AK5: variants seen among roughly 807,000 people sequenced by gnomAD.
The protein encoded by AK5 is adenylate kinase 5, also known as adenylate kinase isoenzyme 5.
In AK5, 27 loss-of-function variants were observed where a neutral mutation model predicts 69.5. That is an observed-to-expected ratio of 0.39 (90% CI 0.29 to 0.54). The LOEUF is 0.54. AK5 is among the 20% of genes least tolerant of loss of function. The pLI is 0.71. For synonymous variants in AK5, 260 were observed against 244.4 expected, an observed-to-expected ratio of 1.06 and a Z score of -0.60; for missense variants, 531 against 700.4, an observed-to-expected ratio of 0.76 and a Z score of 2.73.
At chr1:77,400,933 TA>T (rs71689422) in intron 6 of AK5, among the ~76,000 whole-genome samples, 374 of 115,286 alleles carry the variant, frequency 3.2e-3, no homozygotes, top group Middle Eastern at 0.013. Context: ...TTCATTCTGT[TA>T]AAAAAAAAAA....
intron 8 of AK5, among the ~76,000 whole-genome samples, chr1:77,442,615 G>A (rs919628935): frequency 5.3e-5 from 8 of 152,090 alleles, no homozygotes; most frequent in African/African-American, 9.7e-5. Context: ...GTGCTCCCCG[G>A]AGTTTCTGTT....
chr1:77,390,799 A>C (rs1194561115), intron 6 of AK5, among the ~76,000 whole-genome samples: 18 of 152,212 alleles, frequency 1.2e-4, no homozygotes, highest in Admixed American at 1.2e-3. Flanking sequence ...TTATGTTTAA[A>C]GATGAAGGAG....
Position 77,297,639 on chromosome 1 carries a change from T to C in AK5, c.496T>C (p.Leu166=). 1 of 1,613,918 alleles carries C rather than the reference T, an allele frequency of 6.2e-7. No individual in the cohort carries two copies. Among genetic ancestry groups the C allele is most frequent in the South Asian group, 1.1e-5 (1 of 91,038 alleles). Residue 166 remains leucine, a synonymous_variant, in exon 4 of 14, where the codon TTA becomes CTA. Transcript: ENST00000354567. ...ATTCCAATACATTTCTGTGGGAGAA[T>C]TATTAAGAAAGAAGATCCACAGTAC... The part of the protein sequence containing the change: ...YGFQYISVGE[L]LRKKIHSTSS...
chr1:77,339,867 G>A (rs539688924), intron 5 of AK5, among the ~76,000 whole-genome samples: 21 of 151,902 alleles, frequency 1.4e-4, no homozygotes, highest in Admixed American at 9.2e-4. Context: ...TGATTCTCCC[G>A]CCTCAGCCTC....
chr1:77,293,578 C>T, intron 2 of AK5: 1 of 409,006 alleles, frequency 2.4e-6, no homozygotes. Context: ...ACTACCATGG[C>T]CAAGTTGAAT....
In AK5 at chr1:77,344,537, A is replaced by G. The variant is rs375388447; in HGVS notation, c.891+3969A>G. Among the ~76,000 whole-genome samples, 7 of 152,256 alleles carry G rather than the reference A, an allele frequency of 4.6e-5. 1 individual carries two copies. Among genetic ancestry groups the G allele is most frequent in the African/African-American group, 1.7e-4 (7 of 41,568 alleles). On this transcript the variant is annotated intron_variant, in intron 6 of 13. Transcript: ENST00000354567. ...TGGATCTAGGAAAGCTACTTTTACTATTGCTGAGTAAGCTGTGTCTCTTGA... is the reference window on the plus strand; with the variant it reads ...TGGATCTAGGAAAGCTACTTTTACTGTTGCTGAGTAAGCTGTGTCTCTTGA...
intron 8 of AK5, among the ~76,000 whole-genome samples, chr1:77,429,271 C>T (rs1651432356): frequency 6.6e-6 from 1 of 152,106 alleles, no homozygotes; most frequent in Non-Finnish European, 1.5e-5. Context: ...CTGTTGTTTC[C>T]TGACTTTTTA....
chr1:77,348,743 A>C (rs2100404887), intron 6 of AK5, among the ~76,000 whole-genome samples: 1 of 151,998 alleles, frequency 6.6e-6, no homozygotes, highest in African/African-American at 2.4e-5. Context: ...ATACACACCC[A>C]CACACCCACA....
chr1:77,476,443 T>A (rs1463409533), intron 8 of AK5, among the ~76,000 whole-genome samples: 1 of 151,862 alleles, frequency 6.6e-6, no homozygotes, highest in African/African-American at 2.4e-5. Context: ...ATTTCAAAAC[T>A]TCATTCACAG....
chr1:77,524,325 A>G (rs2100326382), intron 12 of AK5, among the ~76,000 whole-genome samples: 1 of 152,302 alleles, frequency 6.6e-6, no homozygotes, highest in South Asian at 2.1e-4. Context: ...ATCATATGGT[A>G]ATTCTATTTT....
intron 6 of AK5, among the ~76,000 whole-genome samples, chr1:77,367,630 AAT>A (rs1217597256): frequency 3.2e-4 from 18 of 56,018 alleles, no homozygotes; most frequent in South Asian, 1.9e-3. Flanking sequence ...TTATATATGT[AAT>A]ATATATGTTA....
chr1:77,282,475 A>T, intron 1 of AK5, 102 bp downstream of exon 1: 1 of 1,442,756 alleles, frequency 6.9e-7, no homozygotes, highest in Non-Finnish European at 9.2e-7. Context: ...CACACGGGGC[A>T]TGTAATGAAG....
intron 6 of AK5, among the ~76,000 whole-genome samples, chr1:77,410,502 A>G (rs2100568651): frequency 6.6e-6 from 1 of 152,048 alleles, no homozygotes; most frequent in Non-Finnish European, 1.5e-5. Context: ...CTGGTCTCAA[A>G]CTCCTGGCCT....
intron 12 of AK5, among the ~76,000 whole-genome samples, chr1:77,532,906 G>A (rs904191765): frequency 2.0e-5 from 3 of 152,150 alleles, no homozygotes; most frequent in Non-Finnish European, 2.9e-5. Context: ...ACCACAGTCC[G>A]GTGAAAACAA....
At chr1:77,509,560 C>T (rs932063705) in intron 10 of AK5, among the ~76,000 whole-genome samples, 2 of 151,988 alleles carry the variant, frequency 1.3e-5, no homozygotes, top group African/African-American at 2.4e-5. Context: ...AAGAGTCATT[C>T]GGTCACAAAA....
At chr1:77,370,765 G>T (rs999964166) in intron 6 of AK5, among the ~76,000 whole-genome samples, 1 of 152,156 alleles carries the variant, frequency 6.6e-6, no homozygotes, top group Non-Finnish European at 1.5e-5. Context: ...GCCCAGTCCA[G>T]CTGGGCAAAC....
chr1:77,456,048 A>C (rs1459101803), intron 8 of AK5, among the ~76,000 whole-genome samples: 1 of 152,202 alleles, frequency 6.6e-6, no homozygotes, highest in Non-Finnish European at 1.5e-5. Flanking sequence ...AGAGAAGAGT[A>C]CCTGAAGTGC....
At chr1:77,408,535 T>C (rs879672067) in intron 6 of AK5, among the ~76,000 whole-genome samples, 24 of 152,152 alleles carry the variant, frequency 1.6e-4, no homozygotes, top group Non-Finnish European at 7.3e-5. Context: ...TAGACCTTTG[T>C]TGGATGTGTA....
At chr1:77,489,058 T>C (rs1453538611) in intron 10 of AK5, among the ~76,000 whole-genome samples, 1 of 152,204 alleles carries the variant, frequency 6.6e-6, no homozygotes, top group Non-Finnish European at 1.5e-5. Context: ...TTATCCATTG[T>C]TTAACACTCA....
Sources: allele counts gnomAD v4.1 joint callset (sites outside exome capture counted in the v4.1 genomes callset), GRCh38; gene constraint gnomAD v4.1.1; transcripts MANE v1.5; gene names NCBI Gene and HGNC (gene_info 2026-07-23, HGNC 2026-07-21).